The following ZNF469 variants were observed in gnomAD, a reference collection of about 807,000 sequenced individuals.
The protein encoded by ZNF469 is zinc finger protein 469.
A neutral mutation model predicts 1.0 loss-of-function variants in ZNF469; 1 was observed. That is an observed-to-expected ratio of 1.00 (90% CI 0.35 to 4.73). The LOEUF is 4.73. ZNF469 is among the 30% of genes most tolerant of loss of function. ZNF469 has a pLI of 0.16. For missense variants in ZNF469, 6,100 were observed against 5,356.3 expected (o/e 1.14, Z -4.33); for synonymous variants, 2,703 against 2,363.4 (o/e 1.14, Z -4.17).
chr16:88,374,166 A>G, the ZNF469 span, among the ~76,000 whole-genome samples: 4 of 152,310 alleles, frequency 2.6e-5, no homozygotes, highest in African/African-American at 9.6e-5. Flanking sequence ...GTGGACAGAA[A>G]TGAGTAAGGC....
the ZNF469 span, among the ~76,000 whole-genome samples, chr16:88,263,361 C>T: frequency 1.3e-5 from 2 of 152,180 alleles, no homozygotes; most frequent in Admixed American, 6.5e-5. Context: ...TGTAGTACGC[C>T]GAGGTGAGTC....
the ZNF469 span, among the ~76,000 whole-genome samples, chr16:88,220,093 A>G: frequency 4.5e-4 from 69 of 152,278 alleles, no homozygotes; most frequent in African/African-American, 1.5e-3. Flanking sequence ...TTTGTGTCCA[A>G]TAGAGTTTTT....
chr16:88,430,725 G>T lies in ZNF469; in HGVS notation c.3255G>T (p.Glu1085Asp), dbSNP rs886052401. 51 of 1,498,564 alleles carry T rather than the reference G, an allele frequency of 3.4e-5. No individual in the cohort carries two copies. The highest frequency in any genetic ancestry group is 4.4e-5 in the Non-Finnish European group (50 of 1,132,166). The allele number at this position is 1,498,564 out of a possible 1,614,324, so 92.8% of individuals were successfully genotyped here. Reference sequence around the variant, plus strand: ...CGGGGAGGCCCCGGCCCGGAGCTGAGGACCGCAGGCTCCGCGAGTACGACT... The same window carrying T: ...CGGGGAGGCCCCGGCCCGGAGCTGATGACCGCAGGCTCCGCGAGTACGACT... The part of the protein sequence containing the change: ...LAAGRPRPGA[E>D]DRRLREYDFA... Residue 1085 changes from glutamate (E) to aspartate (D), a missense_variant, in exon 3 of 3, where the codon GAG becomes GAT. Transcript: ENST00000565624.
the ZNF469 span, among the ~76,000 whole-genome samples, chr16:88,104,615 G>A: frequency 5.9e-5 from 9 of 152,370 alleles, no homozygotes; most frequent in East Asian, 7.7e-4. Context: ...CTCGCTCAGC[G>A]TCACATTCCG....
chr16:88,264,805 G>A, the ZNF469 span, among the ~76,000 whole-genome samples: 3 of 137,914 alleles, frequency 2.2e-5, no homozygotes, highest in Admixed American at 1.5e-4. Flanking sequence ...CTGGCCACAC[G>A]GCCCCCCGCC....
At chr16:88,270,947 C>T in the ZNF469 span, among the ~76,000 whole-genome samples, 13 of 152,346 alleles carry the variant, frequency 8.5e-5, no homozygotes, top group African/African-American at 2.2e-4. Context: ...TCCCCCCTCT[C>T]GGGGCTGGCA....
chr16:88,106,691 G>A, the ZNF469 span, among the ~76,000 whole-genome samples: 1 of 152,248 alleles, frequency 6.6e-6, no homozygotes, highest in Non-Finnish European at 1.5e-5. Flanking sequence ...GGCCATGGCT[G>A]CTCTTGGTCC....
chr16:88,366,620 C>G, the ZNF469 span, among the ~76,000 whole-genome samples: 2 of 45,420 alleles, frequency 4.4e-5, no homozygotes, highest in African/African-American at 8.4e-5. Context: ...ACCATCATCA[C>G]CACTATCAGC....
the ZNF469 span, among the ~76,000 whole-genome samples, chr16:88,145,493 C>T: frequency 8.1e-3 from 1,232 of 152,370 alleles, 19 homozygotes; most frequent in African/African-American, 0.027. Context: ...CGCTGTTCAC[C>T]GGGCCGAGCT....
At chr16:88,397,347 C>T (rs759148173) in intron 1 of ZNF469, among the ~76,000 whole-genome samples, 19 of 152,330 alleles carry the variant, frequency 1.2e-4, no homozygotes, top group African/African-American at 1.7e-4. Flanking sequence ...CAGTCCCACT[C>T]GGGGCTTGTG....
At position 88,424,499 on chromosome 16, in the gene ZNF469, G is replaced by A. The variant is rs1379513921; in HGVS notation, c.-191-308G>A. ...CGTAATAATCTGGAGCTTCGGAGCT[G>A]CATGTACACACAATCTATGCGTACA... On this transcript the variant is annotated intron_variant, in intron 1 of 2. Transcript: ENST00000565624. This position sits in a 1 kb window ranked among gnomAD's most constrained non-coding sequence, Gnocchi z 4.3. Among the ~76,000 whole-genome samples the A allele has an allele frequency of 1.3e-5, 2 of 152,182 alleles. No homozygotes were observed. The highest frequency in any genetic ancestry group is 4.8e-5 in the African/African-American group (2 of 41,442).
chr16:88,267,953 C>T, the ZNF469 span, among the ~76,000 whole-genome samples: 3 of 151,960 alleles, frequency 2.0e-5, no homozygotes, highest in African/African-American at 7.3e-5. Context: ...CCATGCCCCC[C>T]GGCAGCAAGG....
chr16:88,209,850 T>C, the ZNF469 span, among the ~76,000 whole-genome samples: 3 of 152,254 alleles, frequency 2.0e-5, no homozygotes, highest in Non-Finnish European at 4.4e-5. Context: ...TGCAATTACA[T>C]GCAATGTTGC....
the ZNF469 span, among the ~76,000 whole-genome samples, chr16:88,179,119 C>T: frequency 2.6e-5 from 4 of 152,134 alleles, no homozygotes; most frequent in Non-Finnish European, 5.9e-5. Context: ...TCGGAGTGGG[C>T]CCCAGACCCG....
At chr16:88,317,368 G>A in the ZNF469 span, among the ~76,000 whole-genome samples, 6 of 152,340 alleles carry the variant, frequency 3.9e-5, no homozygotes, top group African/African-American at 1.2e-4. Flanking sequence ...CGGGTGAAAC[G>A]TGGTCCTAGG....
Position 88,432,079 on chromosome 16 carries a change from G to C in ZNF469, c.4609G>C (p.Gly1537Arg). 1 of 1,550,512 alleles carries C rather than the reference G, an allele frequency of 6.4e-7. No individual in the cohort carries two copies. Among genetic ancestry groups the C allele is most frequent in the Non-Finnish European group, 8.7e-7 (1 of 1,147,004 alleles). The change falls in exon 3 of 3, where the codon GGC (glycine) becomes CGC (arginine). Residue 1537 changes from glycine (G) to arginine (R), a missense_variant. By Grantham distance (125) the Gly-to-Arg change is moderately radical (BLOSUM62 -2). Transcript: ENST00000565624. ...TCCCCCTGAACGGACAGTGGTTCCC[G>C]GCGCCGCCCCATCTTTGCCTGGGAA... ...TCPPERTVVP[G>R]AAPSLPGKGS...
At chr16:88,354,993 C>G in the ZNF469 span, among the ~76,000 whole-genome samples, 1 of 152,168 alleles carries the variant, frequency 6.6e-6, no homozygotes, top group African/African-American at 2.4e-5. Flanking sequence ...AGGCCCTTGT[C>G]CCCGCTAGGG....
chr16:88,358,338 GACCGTGTTGGGC>G, the ZNF469 span, among the ~76,000 whole-genome samples: 1 of 152,208 alleles, frequency 6.6e-6, no homozygotes, highest in African/African-American at 2.4e-5. Flanking sequence ...GGCCTCCAGG[GACCGTGTTGGGC>G]AGAGTGTCAT....
Position 88,433,300 on chromosome 16 carries a change from A to G in ZNF469, c.5830A>G (p.Thr1944Ala). 3.2e-6 allele frequency: 5 copies of G among 1,550,326 alleles called. No individual in the cohort carries two copies. Among genetic ancestry groups the G allele is most frequent in the Non-Finnish European group, 4.4e-6 (5 of 1,146,938 alleles). ...GAACCCCTCAGGTCTGGAAGGGGGC[A>G]CTGTGGAAGGAGGGAAGGTGGCCTG... is the stretch of plus-strand genomic sequence containing the variant. Reference protein sequence around the residue: ...RVNPSGLEGGTVEGGKVACGP... With the variant: ...RVNPSGLEGGAVEGGKVACGP... The change falls in exon 3 of 3, where the codon ACT becomes GCT. Residue 1944 changes from threonine (T) to alanine (A), a missense_variant. Thr to Ala is a moderately conservative substitution (Grantham distance 58). Transcript: ENST00000565624.
Sources: gnomAD v4.1 joint callset for allele counts (sites outside exome capture counted in the v4.1 genomes callset) on GRCh38, gnomAD v4.1.1 for gene constraint, Gnocchi (gnomAD v3.1) non-coding constraint, MANE v1.5 for transcripts, NCBI Gene and HGNC (gene_info 2026-07-23, HGNC 2026-07-21) for gene names.